Variants in CDH19 observed in about 807,000 individuals in gnomAD.
The protein encoded by CDH19 is cadherin 19.
Under a neutral mutation model 64.2 loss-of-function variants are expected in CDH19, and 67 were observed. The ratio of observed to expected loss-of-function variants is 1.04; its 90% CI spans 0.86 to 1.28. The LOEUF (loss-of-function observed/expected upper bound fraction) is 1.28, where lower values mean the gene tolerates loss of function less well. Ranked by LOEUF, CDH19 falls within the 50% of genes most tolerant of loss-of-function variation. The probability of loss-of-function intolerance (pLI) is 0.00; values close to 1 mark genes in which losing one functional copy is unlikely to be tolerated. For synonymous variants in CDH19, 346 were observed against 319.3 expected, an observed-to-expected ratio of 1.08 and a Z score of -0.89; for missense variants, 1,030 against 929.0, an observed-to-expected ratio of 1.11 and a Z score of -1.41.
chr18:66,601,936 GTCTTCACCAT>G (rs1989046812), intron 1 of CDH19, among the ~76,000 whole-genome samples: 1 of 151,910 alleles, frequency 6.6e-6, no homozygotes, highest in Non-Finnish European at 1.5e-5. Flanking sequence ...ATCAGGGGCT[GTCTTCACCAT>G]TGATAGAAAG....
chr18:66,529,662 T>C (rs1305992828), intron 9 of CDH19, among the ~76,000 whole-genome samples, 183 bp downstream of exon 9: 1 of 147,920 alleles, frequency 6.8e-6, no homozygotes, highest in Non-Finnish European at 1.5e-5. Flanking sequence ...TTTATATATA[T>C]AATTTGTATA....
At chr18:66,599,732 TAATA>T (rs1487021108) in intron 1 of CDH19, among the ~76,000 whole-genome samples, 1 of 152,072 alleles carries the variant, frequency 6.6e-6, no homozygotes, top group African/African-American at 2.4e-5. Context: ...ATAAACAGAT[TAATA>T]AATTGTTTTA....
chr18:66,516,324 C>G (rs547977945), intron 9 of CDH19, among the ~76,000 whole-genome samples: 1 of 151,854 alleles, frequency 6.6e-6, no homozygotes, highest in Non-Finnish European at 1.5e-5. Flanking sequence ...TTGTCATGAT[C>G]CTATTGAACA....
intron 8 of CDH19, among the ~76,000 whole-genome samples, chr18:66,530,758 T>C (rs988928187): frequency 6.6e-6 from 1 of 152,192 alleles, no homozygotes; most frequent in Non-Finnish European, 1.5e-5. Context: ...TAATATTTTA[T>C]ACTGGATAAT....
rs139196230 is a variant in CDH19 at position 66,511,599 on chromosome 18, G to T, written c.1545C>A (p.Asn515Lys). 50 of 1,496,110 alleles carry T rather than the reference G, an allele frequency of 3.3e-5. No individual in the cohort carries two copies. Among genetic ancestry groups the T allele is most frequent in the Non-Finnish European group, 4.3e-5 (46 of 1,074,604 alleles). 92.7% of individuals were successfully genotyped at this position (1,496,110 alleles called of 1,614,324 possible). A position where few individuals can be genotyped will look rare whatever the true frequency, so the allele number is the denominator to read the frequency against. ...FYFNLSVEDTNNSSFTIIDNQ... is the reference protein window; with the variant it reads ...FYFNLSVEDTKNSSFTIIDNQ... ...TATCTATGATTGTAAAACTTGAATT[G>T]TTAGTGTCTTCTACAGATAGATTAA... Residue 515 changes from asparagine to lysine, a missense_variant, in exon 10 of 12, where the codon AAC becomes AAA. Asn to Lys is a moderately conservative substitution (Grantham distance 94). Transcript: ENST00000262150.
chr18:66,602,154 T>C (rs1001616975), intron 1 of CDH19, among the ~76,000 whole-genome samples: 12 of 152,004 alleles, frequency 7.9e-5, no homozygotes, highest in African/African-American at 2.7e-4. Context: ...AGAAGGTATA[T>C]AGAAAGATCA....
chr18:66,541,939 T>C (rs1459413810), intron 7 of CDH19, among the ~76,000 whole-genome samples: 4 of 152,132 alleles, frequency 2.6e-5, no homozygotes, highest in Admixed American at 2.0e-4. Flanking sequence ...CAATTCTTCA[T>C]TGTGTATTAT....
intron 1 of CDH19, among the ~76,000 whole-genome samples, chr18:66,588,338 T>C (rs1287242382): frequency 6.6e-6 from 1 of 152,012 alleles, no homozygotes. Flanking sequence ...AATAAACGAA[T>C]ACAAATTATT....
intron 3 of CDH19, among the ~76,000 whole-genome samples, chr18:66,557,246 C>G (rs955077979): frequency 6.6e-6 from 1 of 151,902 alleles, no homozygotes; most frequent in South Asian, 2.1e-4. Flanking sequence ...GCTCAGTAAC[C>G]TACTGTACAC....
intron 5 of CDH19, among the ~76,000 whole-genome samples, chr18:66,545,139 C>A (rs1176964174): frequency 6.6e-6 from 1 of 151,802 alleles, no homozygotes; most frequent in Non-Finnish European, 1.5e-5. Flanking sequence ...CCACCACGCC[C>A]GGCTAATTTT....
At chr18:66,559,688 G>A (rs369154700) in intron 3 of CDH19, among the ~76,000 whole-genome samples, 1 of 139,530 alleles carries the variant, frequency 7.2e-6, no homozygotes, top group African/African-American at 2.5e-5. Flanking sequence ...ATATATATAT[G>A]TATATACTCT....
chr18:66,508,835 A>G (rs993072126), intron 11 of CDH19, among the ~76,000 whole-genome samples, 160 bp downstream of exon 11: 1 of 151,954 alleles, frequency 6.6e-6, no homozygotes. Context: ...CATTCAGAGG[A>G]GCAATAAACG....
chr18:66,570,625 G>GT, intron 2 of CDH19, among the ~76,000 whole-genome samples: 1 of 151,700 alleles, frequency 6.6e-6, no homozygotes, highest in South Asian at 2.1e-4. Flanking sequence ...ATTCATTATT[G>GT]TTCTTTTTGA....
rs767734677 is a variant in CDH19, at chr18:66,505,190, T to C, written c.1941A>G (p.Gly647=). The C allele has an allele frequency of 2.4e-5, 38 of 1,613,094 alleles. No individual in the cohort carries two copies. In the South Asian group the frequency reaches 3.3e-4, roughly 14 times the overall value. ...TATCAAAGGCCTCTGTATCTTCTTC[T>C]CCACCCCCTTCATCATCATATTGGA... ...NIFQYDDEGG[G]EEDTEAFDIA... Residue 647 remains glycine (G), a synonymous_variant, in exon 12 of 12, where the codon GGA becomes GGG. Coordinates refer to ENST00000262150, the MANE Select transcript of CDH19 (RefSeq NM_021153.4).
At chr18:66,567,332 A>G (rs755801109) in intron 3 of CDH19, among the ~76,000 whole-genome samples, 1 of 151,372 alleles carries the variant, frequency 6.6e-6, no homozygotes, top group Non-Finnish European at 1.5e-5. Flanking sequence ...AGGGGAGGGC[A>G]GTAAGGGAAA....
Position 66,534,980 on chromosome 18 carries a change from A to G in CDH19, c.1336+6T>C. The G allele has an allele frequency of 6.9e-7, 1 of 1,449,050 alleles. No individual in the cohort carries two copies. The highest frequency in any genetic ancestry group is 9.3e-7 in the Non-Finnish European group (1 of 1,080,670). The allele number at this position is 1,449,050 out of a possible 1,614,324, so 89.8% of individuals were successfully genotyped here. A position where few individuals can be genotyped will look rare whatever the true frequency, so the allele number is the denominator to read the frequency against. On this transcript the variant is annotated splice_donor_region_variant and intron_variant, in intron 8 of 11. Coordinates refer to ENST00000262150, the MANE Select transcript of CDH19 (RefSeq NM_021153.4). The stretch of plus-strand genomic sequence containing the variant: ...CAACTGTATTGGATTTCAAATGAGT[A>G]CTTACATTTTTCTGTGGCTGTAATA...
chr18:66,529,571 TAATA>T (rs1158796076), intron 9 of CDH19, among the ~76,000 whole-genome samples: 3 of 71,600 alleles, frequency 4.2e-5, no homozygotes, highest in South Asian at 7.3e-4. Context: ...AGCATGTAAT[TAATA>T]TAAATAGAAT....
chr18:66,585,590 G>A lies in CDH19; in HGVS notation c.-112-13274C>T, dbSNP rs17076456. On this transcript the variant is annotated intron_variant, in intron 1 of 11. Coordinates refer to ENST00000262150, the MANE Select transcript of CDH19 (RefSeq NM_021153.4). ...GTCCGGCACGTATTAAGAGTTAAAT[G>A]TTTTTAGTGAGCTACATGAAAATAG... 9.7e-3 allele frequency among the ~76,000 whole-genome samples: 1,469 copies of A among 152,152 alleles called. 24 individuals are homozygous for A. The highest frequency in any genetic ancestry group is 0.032 in the African/African-American group (1,334 of 41,534).
At chr18:66,508,919 T>C in intron 11 of CDH19, 76 bp downstream of exon 11, 1 of 1,418,280 alleles carries the variant, frequency 7.1e-7, no homozygotes, top group Non-Finnish European at 9.7e-7. Context: ...AATAAATGAG[T>C]ATATGTTCAG....
Sources: gnomAD v4.1 joint callset for allele counts (sites outside exome capture counted in the v4.1 genomes callset) on GRCh38, gnomAD v4.1.1 for gene constraint, MANE v1.5 for transcripts, NCBI Gene and HGNC (gene_info 2026-07-23, HGNC 2026-07-21) for gene names.